LZIC: variants seen among roughly 807,000 people sequenced by gnomAD.
The protein encoded by LZIC is leucine zipper and CTNNBIP1 domain containing.
In LZIC, 28 loss-of-function variants were observed where a neutral mutation model predicts 25.4. The ratio of observed to expected loss-of-function variants is 1.10; its 90% CI spans 0.82 to 1.51. The LOEUF (loss-of-function observed/expected upper bound fraction) is 1.51, where lower values mean the gene tolerates loss of function less well. Among genes scored for constraint, LZIC ranks in the 40% most tolerant of loss-of-function variants. The pLI is 0.00. For missense variants in LZIC, 170 were observed against 211.1 expected (o/e 0.81, Z 1.21); for synonymous variants, 65 against 70.7 (o/e 0.92, Z 0.40).
downstream of LZIC, among the ~76,000 whole-genome samples, chr1:9,926,156 A>C (rs1225657376): frequency 6.6e-6 from 1 of 152,112 alleles, no homozygotes; most frequent in Non-Finnish European, 1.5e-5. Flanking sequence ...AAGTGCTGGG[A>C]TTACAGGTGT....
chr1:9,938,687 G>A (rs1033970644), intron 2 of LZIC, among the ~76,000 whole-genome samples: 6 of 152,042 alleles, frequency 3.9e-5, no homozygotes, highest in South Asian at 2.1e-4. Context: ...ATATTATTTC[G>A]TCTCCTGACT....
rs1358188616 is a variant in LZIC at position 9,926,458 on chromosome 1, T to A, written c.*3941A>T. 6.6e-6 allele frequency among the ~76,000 whole-genome samples: 1 copy of A among 152,156 alleles called. No homozygotes were observed. The highest frequency in any genetic ancestry group is 1.5e-5 in the Non-Finnish European group (1 of 68,034). On this transcript the variant is annotated 3_prime_UTR_variant, in exon 8 of 8. Transcript: ENST00000377223. ...CCATGTTTAATGTCTTCAGAGAAGA[T>A]CTAAAAATCAAAGTTAACAACCCAT...
At chr1:9,937,717 G>A (rs1392400451) in intron 2 of LZIC, among the ~76,000 whole-genome samples, 5 of 151,360 alleles carry the variant, frequency 3.3e-5, no homozygotes, top group African/African-American at 9.7e-5. Flanking sequence ...GCATGGTGGC[G>A]GATGCCTCTA....
At chr1:9,940,038 A>G (rs1351824355) in intron 2 of LZIC, among the ~76,000 whole-genome samples, 4 of 151,978 alleles carry the variant, frequency 2.6e-5, no homozygotes, top group Non-Finnish European at 4.4e-5. Context: ...AGAATCATCC[A>G]AGCCTTGGAG....
intron 3 of LZIC, among the ~76,000 whole-genome samples, chr1:9,936,289 G>A (rs980372317): frequency 6.6e-6 from 1 of 152,120 alleles, no homozygotes; most frequent in African/African-American, 2.4e-5. Flanking sequence ...CTTCAAGGAA[G>A]GTAAGTATTT....
At position 9,932,865 on chromosome 1, in the gene LZIC, T is replaced by C. The variant is rs138894059; in HGVS notation, c.370A>G (p.Arg124Gly). 6.6e-5 allele frequency: 106 copies of C among 1,612,846 alleles called. 1 individual carries two copies. In the East Asian group the frequency reaches 2.3e-3, roughly 35 times the overall value. Residue 124 changes from arginine (R) to glycine (G), a missense_variant, in exon 6 of 8, where the codon AGA becomes GGA. By Grantham distance (125) the Arg-to-Gly change is moderately radical. Transcript: ENST00000377223. ...DRDLMVGKLERDLYTQQKVEI... is the reference protein window; with the variant it reads ...DRDLMVGKLEGDLYTQQKVEI... ...ACTTTCTGTTGAGTGTACAGGTCTC[T>C]TTCCAGCTTTCCTACCATCAGATCT...
chr1:9,942,641 G>GC lies in LZIC; in HGVS notation c.-27_-26insG, dbSNP rs1264110548. 12 of 1,287,662 alleles carry GC rather than the reference G, an allele frequency of 9.3e-6. No homozygotes were observed. In the East Asian group the frequency reaches 6.7e-4, roughly 71 times the overall value. The allele number at this position is 1,287,662 out of a possible 1,614,324, so 79.8% of individuals were successfully genotyped here. A position where few individuals can be genotyped will look rare whatever the true frequency, so the allele number is the denominator to read the frequency against. On this transcript the variant is annotated 5_prime_UTR_variant, in exon 2 of 8. It adds an upstream start codon to the 5' untranslated region. Transcript: ENST00000377223. ...ATGCTCACCTGTCTCTTAGTACTCT[G>GC]ATCTCTGCACAGTGCCGACCGGTCT...
chr1:9,932,980 A>AGT lies in LZIC; in HGVS notation c.337-84_337-83dup, dbSNP rs1640292581. The AGT allele has an allele frequency of 4.3e-6, 4 of 924,610 alleles. No homozygotes were observed. In the Admixed American group the frequency reaches 7.4e-5, roughly 17 times the overall value. The allele number at this position is 924,610 out of a possible 1,614,324, so 57.3% of individuals were successfully genotyped here. On this transcript the variant is annotated intron_variant, in intron 5 of 7. Coordinates refer to ENST00000377223, the MANE Select transcript of LZIC (RefSeq NM_032368.5). ...AAATATAGCTTTTCAGGCCAGGCGC[A>AGT]GTGGCTCACGCCTATAATCTCAACA...
rs1640086116 is a variant in LZIC, at chr1:9,928,527, T to G, written c.*1872A>C. On this transcript the variant is annotated 3_prime_UTR_variant, in exon 8 of 8. Coordinates refer to ENST00000377223, the MANE Select transcript of LZIC (RefSeq NM_032368.5). ...TGATATCCATACAATGGAATATTATTTAGCCATAAAAAGGAATAAAGTACT... is the reference window on the plus strand; with the variant it reads ...TGATATCCATACAATGGAATATTATGTAGCCATAAAAAGGAATAAAGTACT... Among the ~76,000 whole-genome samples, 1 of 152,154 alleles carries G rather than the reference T, an allele frequency of 6.6e-6. No individual in the cohort carries two copies. Among genetic ancestry groups the G allele is most frequent in the South Asian group, 2.1e-4 (1 of 4,832 alleles).
Position 9,931,843 on chromosome 1 carries a change from A to G in LZIC, c.514+48T>C, listed in dbSNP as rs373932911. 2.7e-5 allele frequency: 33 copies of G among 1,237,992 alleles called. No individual in the cohort carries two copies. The African/African-American group carries it at 4.8e-4, about 18-fold the overall frequency. 76.7% of individuals were successfully genotyped at this position (1,237,992 alleles called of 1,614,324 possible). On this transcript the variant is annotated intron_variant, in intron 7 of 7. Coordinates refer to ENST00000377223, the MANE Select transcript of LZIC (RefSeq NM_032368.5). ...CACTCTCCATCAGTTTGTATGTAAT[A>G]TATGACAGTAGTATACGACCAGCTT...
At chr1:9,936,461 A>C in intron 3 of LZIC, 58 bp downstream of exon 3, 2 of 1,048,646 alleles carry the variant, frequency 1.9e-6, no homozygotes, top group Non-Finnish European at 3.0e-6. Flanking sequence ...GCATCCACGG[A>C]GCTAGCTGCA....
chr1:9,924,778 A>C (rs568868524), downstream of LZIC, among the ~76,000 whole-genome samples: 19 of 152,188 alleles, frequency 1.2e-4, no homozygotes, highest in Non-Finnish European at 2.8e-4. Flanking sequence ...CAACAACAAA[A>C]TTAAGCTCCT....
In LZIC at chr1:9,934,869, A is replaced by T. The variant is rs1461560670; in HGVS notation, c.238-9T>A. The T allele has an allele frequency of 6.2e-7, 1 of 1,607,668 alleles. No homozygotes were observed. The highest frequency in any genetic ancestry group is 1.3e-5 in the African/African-American group (1 of 74,794). ...ATAGCTGCCTGAATAGCCTAGAAACACAAGAAGGCAAAAACTAACCAAAAT... is the reference window on the plus strand; with the variant it reads ...ATAGCTGCCTGAATAGCCTAGAAACTCAAGAAGGCAAAAACTAACCAAAAT... On this transcript the variant is annotated splice_polypyrimidine_tract_variant and intron_variant, in intron 4 of 7. Coordinates refer to ENST00000377223, the MANE Select transcript of LZIC (RefSeq NM_032368.5).
chr1:9,924,734 G>A (rs951558789), downstream of LZIC, among the ~76,000 whole-genome samples: 2 of 152,112 alleles, frequency 1.3e-5, no homozygotes, highest in African/African-American at 4.8e-5. Flanking sequence ...CCTGGTTAAT[G>A]AGTATTGAAG....
rs953704999 is a variant in LZIC at position 9,927,465 on chromosome 1, C to A, written c.*2934G>T. Among the ~76,000 whole-genome samples the A allele has an allele frequency of 6.7e-6, 1 of 150,276 alleles. No individual in the cohort carries two copies. The highest frequency in any genetic ancestry group is 1.5e-5 in the Non-Finnish European group (1 of 67,640). On this transcript the variant is annotated 3_prime_UTR_variant, in exon 8 of 8. Coordinates refer to ENST00000377223, the MANE Select transcript of LZIC (RefSeq NM_032368.5). ...CACAAGTGCATGCCATCACGCCTGGCTAATTTTTTTTTTTTTTTTAGAGAC... is the reference window on the plus strand; with the variant it reads ...CACAAGTGCATGCCATCACGCCTGGATAATTTTTTTTTTTTTTTTAGAGAC...
Position 9,928,408 on chromosome 1 carries a change from A to G in LZIC, c.*1991T>C, listed in dbSNP as rs534116881. The stretch of plus-strand genomic sequence containing the variant: ...AAATTGAAAACAGGTATTCAAACAA[A>G]TATTTGTACACAAATGTTCACTGAA... On this transcript the variant is annotated 3_prime_UTR_variant, in exon 8 of 8. Coordinates refer to ENST00000377223, the MANE Select transcript of LZIC (RefSeq NM_032368.5). Among the ~76,000 whole-genome samples, 6 of 152,320 alleles carry G rather than the reference A, an allele frequency of 3.9e-5. No individual in the cohort carries two copies. The highest frequency in any genetic ancestry group is 1.4e-4 in the African/African-American group (6 of 41,576).
chr1:9,937,449 G>A (rs1640509099), intron 2 of LZIC, among the ~76,000 whole-genome samples: 1 of 151,892 alleles, frequency 6.6e-6, no homozygotes, highest in Admixed American at 6.6e-5. Flanking sequence ...GGAGGCTGAG[G>A]CAGCAGGCTT....
chr1:9,923,164 A>C (rs12406876), downstream of LZIC, among the ~76,000 whole-genome samples: 4,896 of 152,318 alleles, frequency 0.032, 110 homozygotes, highest in South Asian at 0.093. Context: ...TATTTCAAAT[A>C]GCAAGACCAT....
At chr1:9,930,660 C>T (rs565809628) in intron 7 of LZIC, among the ~76,000 whole-genome samples, 20 of 152,180 alleles carry the variant, frequency 1.3e-4, no homozygotes, top group Non-Finnish European at 2.5e-4. Flanking sequence ...CAAAGGGGGA[C>T]TTATTAGTTA....
Sources: allele counts gnomAD v4.1 joint callset (sites outside exome capture counted in the v4.1 genomes callset), GRCh38; gene constraint gnomAD v4.1.1; transcripts MANE v1.5; gene names NCBI Gene and HGNC (gene_info 2026-07-23, HGNC 2026-07-21).